Variants in DOK6 observed in about 807,000 individuals in gnomAD.
DOK6 encodes docking protein 6, also known as downstream of tyrosine kinase 6.
Under a neutral mutation model 44.0 loss-of-function variants are expected in DOK6, and 22 were observed. That is an observed-to-expected ratio of 0.50 (90% CI 0.36 to 0.71). The LOEUF is 0.71. Among genes scored for constraint, DOK6 ranks in the 30% least tolerant of loss-of-function variants. DOK6 has a pLI of 0.00. For synonymous variants in DOK6, 166 were observed against 145.5 expected, an observed-to-expected ratio of 1.14 and a Z score of -1.01; for missense variants, 340 against 416.4, an observed-to-expected ratio of 0.82 and a Z score of 1.60.
chr18:69,738,641 A>T (rs1449498043), intron 5 of DOK6, among the ~76,000 whole-genome samples: 3 of 152,242 alleles, frequency 2.0e-5, no homozygotes, highest in Non-Finnish European at 4.4e-5. Flanking sequence ...TCATAATGGC[A>T]GATAAAAACA....
intron 1 of DOK6, among the ~76,000 whole-genome samples, chr18:69,508,519 T>C (rs552436591): frequency 3.0e-4 from 46 of 152,340 alleles, no homozygotes; most frequent in African/African-American, 9.9e-4. Context: ...GAATTCAGTT[T>C]TGTTTAAAGT....
At chr18:69,677,370 G>GTGTGTATA (rs1555722635) in intron 3 of DOK6, among the ~76,000 whole-genome samples, 4 of 149,232 alleles carry the variant, frequency 2.7e-5, no homozygotes, top group South Asian at 2.1e-4. Flanking sequence ...ATATGTGTGT[G>GTGTGTATA]TATATATATA....
intron 1 of DOK6, among the ~76,000 whole-genome samples, chr18:69,435,405 T>C (rs1319472592): frequency 6.6e-6 from 1 of 152,234 alleles, no homozygotes; most frequent in African/African-American, 2.4e-5. Flanking sequence ...AAGAATGCAT[T>C]GAACTGGTGG....
At chr18:69,560,930 A>G (rs1409265704) in intron 1 of DOK6, among the ~76,000 whole-genome samples, 4 of 143,694 alleles carry the variant, frequency 2.8e-5, no homozygotes, top group African/African-American at 1.0e-4. Flanking sequence ...TATGCTTTCT[A>G]TTTAAAAAAT....
At chr18:69,829,900 G>A (rs1364837712) in intron 7 of DOK6, among the ~76,000 whole-genome samples, 1 of 152,074 alleles carries the variant, frequency 6.6e-6, no homozygotes, top group East Asian at 1.9e-4. Flanking sequence ...TATCCGTTAG[G>A]TGGGAATGTA....
intron 1 of DOK6, among the ~76,000 whole-genome samples, chr18:69,534,472 C>T (rs1365483518): frequency 6.6e-6 from 1 of 152,036 alleles, no homozygotes; most frequent in Non-Finnish European, 1.5e-5. Flanking sequence ...ATGTAATACA[C>T]TTATTATTCT....
chr18:69,580,370 C>G (rs572836065), intron 2 of DOK6, among the ~76,000 whole-genome samples: 143 of 152,326 alleles, frequency 9.4e-4, no homozygotes, highest in African/African-American at 3.2e-3. Flanking sequence ...CTCTCCCTCT[C>G]CAAGCCAGCA....
At chr18:69,593,365 CT>C (rs1245204540) in intron 2 of DOK6, among the ~76,000 whole-genome samples, 1 of 150,846 alleles carries the variant, frequency 6.6e-6, no homozygotes, top group Non-Finnish European at 1.5e-5. Flanking sequence ...GAACAAGGCC[CT>C]GTCTCTTAAA....
intron 7 of DOK6, among the ~76,000 whole-genome samples, chr18:69,834,554 A>T (rs930359751): frequency 7.9e-5 from 12 of 152,202 alleles, no homozygotes; most frequent in Non-Finnish European, 1.6e-4. Flanking sequence ...ACAAAAAGAG[A>T]TAAATGCTTG....
chr18:69,439,413 G>A (rs1979075735), intron 1 of DOK6, among the ~76,000 whole-genome samples: 1 of 152,156 alleles, frequency 6.6e-6, no homozygotes, highest in African/African-American at 2.4e-5. Flanking sequence ...TTTGAAGCCA[G>A]GCATTGACTT....
chr18:69,517,710 A>G (rs1420289375), intron 1 of DOK6, among the ~76,000 whole-genome samples: 1 of 148,256 alleles, frequency 6.7e-6, no homozygotes, highest in Non-Finnish European at 1.5e-5. Flanking sequence ...TGTATTCAAG[A>G]GTTGTGCTAT....
chr18:69,503,987 C>T (rs2144550497), intron 1 of DOK6, among the ~76,000 whole-genome samples: 1 of 152,072 alleles, frequency 6.6e-6, no homozygotes, highest in Non-Finnish European at 1.5e-5. Flanking sequence ...TTCTGAATGA[C>T]TCAGATAATT....
chr18:69,779,307 G>C (rs1470670830), intron 7 of DOK6, among the ~76,000 whole-genome samples: 2 of 151,892 alleles, frequency 1.3e-5, no homozygotes, highest in Non-Finnish European at 2.9e-5. Flanking sequence ...AACGTACTTA[G>C]ATGTCCGGAT....
rs1007060829 is a variant in DOK6 at position 69,596,692 on chromosome 18, C to T, written c.175-2692C>T. Among the ~76,000 whole-genome samples, 176 of 152,180 alleles carry T rather than the reference C, an allele frequency of 1.2e-3. 1 individual carries two copies. The highest frequency in any genetic ancestry group is 4.0e-3 in the African/African-American group (167 of 41,532). On this transcript the variant is annotated intron_variant, in intron 2 of 7. Transcript: ENST00000382713. ...AGACAGACTAAAACTCACAGACATG[C>T]CTTACAAGAAATAGTAAGTGATCCC... is the stretch of plus-strand genomic sequence containing the variant.
At chr18:69,489,047 T>C in intron 1 of DOK6, among the ~76,000 whole-genome samples, 1 of 152,268 alleles carries the variant, frequency 6.6e-6, no homozygotes, top group East Asian at 1.9e-4. Context: ...TTCTACTAAA[T>C]GGAAGATAGG....
chr18:69,470,574 G>C (rs2122488073), intron 1 of DOK6, among the ~76,000 whole-genome samples: 1 of 152,094 alleles, frequency 6.6e-6, no homozygotes, highest in Admixed American at 6.6e-5. Flanking sequence ...CCCACCCCAG[G>C]AGACTCACTC....
intron 1 of DOK6, among the ~76,000 whole-genome samples, chr18:69,440,532 T>C (rs1979106851): frequency 6.6e-6 from 1 of 152,162 alleles, no homozygotes; most frequent in Non-Finnish European, 1.5e-5. Context: ...GTTCTCTGTT[T>C]TACCGTATAT....
At chr18:69,723,984 G>A (rs1320741459) in intron 5 of DOK6, among the ~76,000 whole-genome samples, 3 of 152,106 alleles carry the variant, frequency 2.0e-5, no homozygotes, top group Admixed American at 6.5e-5. Context: ...CTTGTAATCT[G>A]GTCTCAAAAC....
At chr18:69,812,127 A>G (rs1981258891) in intron 7 of DOK6, among the ~76,000 whole-genome samples, 1 of 152,122 alleles carries the variant, frequency 6.6e-6, no homozygotes, top group Non-Finnish European at 1.5e-5. Flanking sequence ...CATAAAGACA[A>G]ATAAAGCACA....
Sources: allele counts gnomAD v4.1 joint callset (sites outside exome capture counted in the v4.1 genomes callset), GRCh38; gene constraint gnomAD v4.1.1; transcripts MANE v1.5; gene names NCBI Gene and HGNC (gene_info 2026-07-23, HGNC 2026-07-21).